Variants in MAPK8IP1 observed in about 807,000 individuals in gnomAD.
The protein encoded by MAPK8IP1 is mitogen-activated protein kinase 8 interacting protein 1, also known as C-Jun-amino-terminal kinase-interacting protein 1.
In MAPK8IP1, 17 loss-of-function variants were observed where a neutral mutation model predicts 72.6. The observed-to-expected ratio is 0.23, with a 90% CI of 0.16 to 0.35. The LOEUF is 0.35. Ranked by LOEUF, MAPK8IP1 falls within the 10% of genes least tolerant of loss-of-function variation. The pLI, the probability that MAPK8IP1 is intolerant of heterozygous loss-of-function variation, is 1.00. For synonymous variants in MAPK8IP1, 401 were observed against 443.4 expected (o/e 0.90, Z 1.20); for missense variants, 789 against 1,009.7 (o/e 0.78, Z 2.96).
Position 45,905,249 on chromosome 11 carries a change from G to A in MAPK8IP1, c.2063G>A (p.Gly688Glu). ...ACCAAAGCCCTGGCAGAGTCCGTGG[G>A]GTACGTGTACACCCTGCTGAGCACC... ...DSTKALAESV[G>E]RAFQQFYKQF... Residue 688 changes from glycine to glutamate, a missense_variant and splice_region_variant, in exon 11 of 12, where the codon GGG becomes GAG. By Grantham distance (98) the Gly-to-Glu change is moderately conservative. Around this residue, in one of 4 missense-constraint regions of MAPK8IP1, gnomAD observed 188 missense variants for 293.3 expected, o/e 0.64. Transcript: ENST00000241014. The A allele has an allele frequency of 6.2e-7, 1 of 1,610,920 alleles. No individual in the cohort carries two copies. The highest frequency in any genetic ancestry group is 8.5e-7 in the Non-Finnish European group (1 of 1,179,292).
At position 45,904,279 on chromosome 11, in the gene MAPK8IP1, AT is replaced by A; in HGVS notation, c.1666+122del. On this transcript the variant is annotated intron_variant, in intron 7 of 11. Transcript: ENST00000241014. The surrounding 1 kb of genome is among the most constrained non-coding windows in gnomAD (Gnocchi z 6.4). ...CCAGGTGGGGGGCTGAGTGGAAGTG[AT>A]TTTAGGTCCTTTTCACGATCAAGCA... The A allele has an allele frequency of 1.5e-6, 2 of 1,293,810 alleles. No individual in the cohort carries two copies. Among genetic ancestry groups the A allele is most frequent in the Non-Finnish European group, 2.2e-6 (2 of 913,448 alleles). The allele number at this position is 1,293,810 out of a possible 1,614,324, so 80.1% of individuals were successfully genotyped here.
chr11:45,892,130 C>G (rs1044303462), intron 1 of MAPK8IP1, among the ~76,000 whole-genome samples: 17 of 152,184 alleles, frequency 1.1e-4, no homozygotes, highest in African/African-American at 4.1e-4. Context: ...GAAGGGAATT[C>G]TGACCCAAAG....
chr11:45,892,626 C>T (rs1040369277), intron 1 of MAPK8IP1, among the ~76,000 whole-genome samples: 8 of 151,960 alleles, frequency 5.3e-5, no homozygotes, highest in Non-Finnish European at 1.2e-4. Flanking sequence ...CATGCTACTG[C>T]TTTGGGAGCT....
In MAPK8IP1 at chr11:45,902,884, G is replaced by A. The variant is rs150912590; in HGVS notation, c.1117G>A (p.Ala373Thr). ...GGCCTCTCTGAGCTCGGACACCAGC[G>A]CCCTGTCCTATGACTCTGTCAAGTA... ...PRASLSSDTS[A>T]LSYDSVKYTL... Residue 373 changes from alanine (A) to threonine (T), a missense_variant, in exon 5 of 12, where the codon GCC (alanine) becomes ACC (threonine). This residue lies in a region of MAPK8IP1 where 377 missense variants were observed against 411.7 expected (regional missense o/e 0.92). Coordinates refer to ENST00000241014, the MANE Select transcript of MAPK8IP1 (RefSeq NM_005456.4). The surrounding 1 kb of genome is among the most constrained non-coding windows in gnomAD (Gnocchi z 9.3). 2.2e-5 allele frequency: 36 copies of A among 1,601,276 alleles called. No homozygotes were observed. The highest frequency in any genetic ancestry group is 5.3e-5 in the African/African-American group (4 of 74,786).
Position 45,904,513 on chromosome 11 carries a change from C to G in MAPK8IP1, c.1725C>G (p.Val575=). 1 of 1,614,216 alleles carries G rather than the reference C, an allele frequency of 6.2e-7. No homozygotes were observed. The highest frequency in any genetic ancestry group is 8.5e-7 in the Non-Finnish European group (1 of 1,180,042). ...TCCGGGTGAAGTTCCTGGGCTCAGTCCAGGTTCCCTATCACAAGGGCAATG... is the reference window on the plus strand; with the variant it reads ...TCCGGGTGAAGTTCCTGGGCTCAGTGCAGGTTCCCTATCACAAGGGCAATG... ...DQFRVKFLGS[V]QVPYHKGNDV... Residue 575 remains valine (V), a synonymous_variant, in exon 8 of 12, where the codon GTC becomes GTG. Coordinates refer to ENST00000241014, the MANE Select transcript of MAPK8IP1 (RefSeq NM_005456.4). This position sits in a 1 kb window ranked among gnomAD's most constrained non-coding sequence, Gnocchi z 6.4.
intron 1 of MAPK8IP1, among the ~76,000 whole-genome samples, chr11:45,888,984 G>A (rs1022303282): frequency 2.0e-5 from 3 of 152,048 alleles, no homozygotes; most frequent in Non-Finnish European, 2.9e-5. Flanking sequence ...ACAGGCTCGA[G>A]CCACCACGCC....
intron 1 of MAPK8IP1, among the ~76,000 whole-genome samples, chr11:45,887,003 G>C (rs539816664): frequency 2.0e-5 from 3 of 152,252 alleles, no homozygotes; most frequent in African/African-American, 7.2e-5. Flanking sequence ...CTGAGGCCCT[G>C]AGCTGAGCTG....
At position 45,904,741 on chromosome 11, in the gene MAPK8IP1, C is replaced by A; in HGVS notation, c.1800C>A (p.Thr600=). The change falls in exon 9 of 12, where the codon ACC becomes ACA. Residue 600 remains threonine, a synonymous_variant. Transcript: ENST00000241014. The surrounding 1 kb of genome is among the most constrained non-coding windows in gnomAD (Gnocchi z 6.4). ...AGATTGCCACCACCCGCCGGCTCAC[C>A]GTGCACTTTAACCCGCCCTCCAGCT... is the stretch of plus-strand genomic sequence containing the variant. ...MQKIATTRRL[T]VHFNPPSSCV... 2 of 1,613,954 alleles carry A rather than the reference C, an allele frequency of 1.2e-6. No individual in the cohort carries two copies. The highest frequency in any genetic ancestry group is 1.7e-6 in the Non-Finnish European group (2 of 1,180,032).
At chr11:45,898,021 A>G (rs2086621199) in intron 1 of MAPK8IP1, 64 bp from the exon 2 acceptor site, 7 of 971,688 alleles carry the variant, frequency 7.2e-6, no homozygotes, top group Non-Finnish European at 1.2e-5. Flanking sequence ...TGGAAGAGGT[A>G]ACAGGGAGAT....
Position 45,902,173 on chromosome 11 carries a change from C to A in MAPK8IP1, c.604+112C>A. 9.2e-7 allele frequency: 1 copy of A among 1,081,552 alleles called. No homozygotes were observed. Among genetic ancestry groups the A allele is most frequent in the Non-Finnish European group, 1.4e-6 (1 of 695,160 alleles). The allele number at this position is 1,081,552 out of a possible 1,614,324, so 67.0% of individuals were successfully genotyped here. A position where few individuals can be genotyped will look rare whatever the true frequency, so the allele number is the denominator to read the frequency against. On this transcript the variant is annotated intron_variant, in intron 4 of 11. Coordinates refer to ENST00000241014, the MANE Select transcript of MAPK8IP1 (RefSeq NM_005456.4). This position sits in a 1 kb window ranked among gnomAD's most constrained non-coding sequence, Gnocchi z 9.3. ...GGGCTGAGTAGAGGTGAACTGCCCA[C>A]CCACATCCCTGCACGAGCCCATCCA...
intron 2 of MAPK8IP1, among the ~76,000 whole-genome samples, chr11:45,898,830 C>T (rs2086627664): frequency 6.6e-6 from 1 of 152,188 alleles, no homozygotes; most frequent in South Asian, 2.1e-4. Flanking sequence ...CCAGGAGGTC[C>T]CCAGCACCTG....
chr11:45,903,412 C>G lies in MAPK8IP1; in HGVS notation c.1465C>G (p.Gln489Glu). 1 of 1,613,188 alleles carries G rather than the reference C, an allele frequency of 6.2e-7. No individual in the cohort carries two copies. Among genetic ancestry groups the G allele is most frequent in the Non-Finnish European group, 8.5e-7 (1 of 1,179,982 alleles). The change falls in exon 6 of 12, where the codon CAG becomes GAG. Residue 489 changes from glutamine to glutamate, a missense_variant. This residue lies in a region of MAPK8IP1 where 377 missense variants were observed against 411.7 expected (regional missense o/e 0.92). Transcript: ENST00000241014. This position sits in a 1 kb window ranked among gnomAD's most constrained non-coding sequence, Gnocchi z 6.4. ...CTCCTGCATCATCAACGGGGAGGAG[C>G]AGGAGCAGACCCACCGGGCCATATT... ...LFSCIINGEE[Q>E]EQTHRAIFRF...
chr11:45,896,750 C>A lies in MAPK8IP1; in HGVS notation c.102-1335C>A, dbSNP rs750436551. The A allele has an allele frequency of 2.5e-4, 373 of 1,480,450 alleles. 2 individuals carry two copies. Among genetic ancestry groups the A allele is most frequent in the Middle Eastern group, 2.0e-3 (8 of 4,032 alleles). 91.7% of individuals were successfully genotyped at this position (1,480,450 alleles called of 1,614,324 possible). On this transcript the variant is annotated intron_variant, in intron 1 of 11. Transcript: ENST00000241014. ...CCAGGCTTCTGCAGCAGGCAGGACG[C>A]AGAAAGACAGGCCCAAGCGGTGGAG... is the stretch of plus-strand genomic sequence containing the variant.
intron 1 of MAPK8IP1, among the ~76,000 whole-genome samples, chr11:45,892,492 C>T (rs1029586698): frequency 1.3e-5 from 2 of 151,012 alleles, no homozygotes; most frequent in East Asian, 1.9e-4. Context: ...GAGGCCACCG[C>T]GGGCCGCATA....
Position 45,902,562 on chromosome 11 carries a change from C to T in MAPK8IP1, c.795C>T (p.Asp265=). The change falls in exon 5 of 12, where the codon GAC becomes GAT. Residue 265 remains aspartate (D), a synonymous_variant. Transcript: ENST00000241014. This position sits in a 1 kb window ranked among gnomAD's most constrained non-coding sequence, Gnocchi z 9.3. ...PPGGRGHSHR[D]RIHYQADVRL... ...GGGGTCGGGGCCACTCGCATCGAGACCGAATCCACTACCAGGCCGATGTGC... is the reference window on the plus strand; with the variant it reads ...GGGGTCGGGGCCACTCGCATCGAGATCGAATCCACTACCAGGCCGATGTGC... 1 of 1,612,694 alleles carries T rather than the reference C, an allele frequency of 6.2e-7. No individual in the cohort carries two copies. Among genetic ancestry groups the T allele is most frequent in the South Asian group, 1.1e-5 (1 of 91,048 alleles).
At chr11:45,894,845 G>A (rs1241715726) in intron 1 of MAPK8IP1, among the ~76,000 whole-genome samples, 1 of 152,226 alleles carries the variant, frequency 6.6e-6, no homozygotes, top group African/African-American at 2.4e-5. Context: ...GGAGCAGCCA[G>A]GGGGTGGGAA....
In MAPK8IP1 at chr11:45,904,590, C is replaced by T; in HGVS notation, c.1776+26C>T. On this transcript the variant is annotated intron_variant, in intron 8 of 11. Transcript: ENST00000241014. This position sits in a 1 kb window ranked among gnomAD's most constrained non-coding sequence, Gnocchi z 6.4. ...GTACCTGAGCCCTCTCCCTTCTCCT[C>T]CCTTGGATGGGTCCCTGGGGCAGAG... 1 of 1,609,380 alleles carries T rather than the reference C, an allele frequency of 6.2e-7. No homozygotes were observed. The highest frequency in any genetic ancestry group is 8.5e-7 in the Non-Finnish European group (1 of 1,175,688).
chr11:45,904,260 G>T lies in MAPK8IP1; in HGVS notation c.1666+99G>T, dbSNP rs112993823. The T allele has an allele frequency of 9.0e-5, 125 of 1,387,760 alleles. No individual in the cohort carries two copies. In the Middle Eastern group the frequency reaches 1.1e-3, roughly 13 times the overall value. 86.0% of individuals were successfully genotyped at this position (1,387,760 alleles called of 1,614,324 possible). On this transcript the variant is annotated intron_variant, in intron 7 of 11. Transcript: ENST00000241014. The surrounding 1 kb of genome is among the most constrained non-coding windows in gnomAD (Gnocchi z 6.4). Reference sequence around the variant, plus strand: ...TACTCCAGATCTCAGCCAGCCAGGTGGGGGGCTGAGTGGAAGTGATTTTAG... The same window carrying T: ...TACTCCAGATCTCAGCCAGCCAGGTTGGGGGCTGAGTGGAAGTGATTTTAG...
At chr11:45,888,154 C>CTG (rs772142264) in intron 1 of MAPK8IP1, among the ~76,000 whole-genome samples, 1 of 152,296 alleles carries the variant, frequency 6.6e-6, no homozygotes, top group East Asian at 1.9e-4. Context: ...GTAGGCAGGG[C>CTG]TGTGTGTGTG....
Sources: allele counts gnomAD v4.1 joint callset (sites outside exome capture counted in the v4.1 genomes callset), GRCh38; gene constraint gnomAD v4.1.1; regional missense constraint gnomAD v4.1.1; non-coding constraint Gnocchi (gnomAD v3.1); transcripts MANE v1.5; gene names NCBI Gene and HGNC (gene_info 2026-07-23, HGNC 2026-07-21).